Variants in ACTL8 observed in about 807,000 individuals in gnomAD.
ACTL8 encodes actin-like protein 8.
Under a neutral mutation model 9.3 loss-of-function variants are expected in ACTL8, and 3 were observed. The ratio of observed to expected loss-of-function variants is 0.32; its 90% CI spans 0.15 to 0.83. The LOEUF (loss-of-function observed/expected upper bound fraction) is 0.83. ACTL8 is among the 40% of genes least tolerant of loss of function. ACTL8 has a pLI of 0.57. For missense variants in ACTL8, 381 were observed against 492.2 expected, an observed-to-expected ratio of 0.77 and a Z score of 2.14; for synonymous variants, 224 against 205.9, an observed-to-expected ratio of 1.09 and a Z score of -0.75.
At chr1:17,807,929 A>C (rs1367415123) in intron 1 of ACTL8, among the ~76,000 whole-genome samples, 1 of 152,184 alleles carries the variant, frequency 6.6e-6, no homozygotes, top group Non-Finnish European at 1.5e-5. Context: ...CTACCATGGC[A>C]CGTGTATACC....
chr1:17,787,061 C>T (rs2066203103), intron 1 of ACTL8, among the ~76,000 whole-genome samples: 1 of 152,032 alleles, frequency 6.6e-6, no homozygotes, highest in Non-Finnish European at 1.5e-5. Context: ...TATTTTTTCC[C>T]TTGTTTTGTT....
At position 17,826,656 on chromosome 1, in the gene ACTL8, AT is replaced by A; in HGVS notation, c.*143del. 2 of 866,426 alleles carry A rather than the reference AT, an allele frequency of 2.3e-6. No homozygotes were observed. The highest frequency in any genetic ancestry group is 2.7e-5 in the South Asian group (1 of 36,712). 53.7% of individuals were successfully genotyped at this position (866,426 alleles called of 1,614,324 possible). On this transcript the variant is annotated 3_prime_UTR_variant, in exon 3 of 3. Coordinates refer to ENST00000375406, the MANE Select transcript of ACTL8 (RefSeq NM_030812.3). This position sits in a 1 kb window ranked among gnomAD's most constrained non-coding sequence, Gnocchi z 4.5. ...TTTGGAATTCTAGGGGCATGAGGGT[AT>A]TTTTTAGGTTCTAAGGTTTTATCTT...
intron 1 of ACTL8, among the ~76,000 whole-genome samples, chr1:17,803,941 A>T (rs1162300476): frequency 6.6e-6 from 1 of 152,190 alleles, no homozygotes; most frequent in African/African-American, 2.4e-5. Flanking sequence ...GGAAAATTGG[A>T]TATACGCTTA....
chr1:17,801,652 C>T (rs1430813998), intron 1 of ACTL8, among the ~76,000 whole-genome samples: 1 of 151,838 alleles, frequency 6.6e-6, no homozygotes, highest in East Asian at 1.9e-4. Context: ...TAATTATGCT[C>T]AAAGCATACA....
intron 1 of ACTL8, among the ~76,000 whole-genome samples, chr1:17,808,200 T>A (rs925316378): frequency 1.3e-5 from 2 of 152,192 alleles, no homozygotes; most frequent in Non-Finnish European, 2.9e-5. Flanking sequence ...GAGCAAACTC[T>A]GGAGAGCTTG....
rs2053728281 is a variant in ACTL8 at position 17,826,882 on chromosome 1, G to T, written c.*363G>T. On this transcript the variant is annotated 3_prime_UTR_variant, in exon 3 of 3. Transcript: ENST00000375406. The surrounding 1 kb of genome is among the most constrained non-coding windows in gnomAD (Gnocchi z 4.5). ...CTTGGTTGAGTAGGTTTTAACTGGGGTAGCACTCCTGCTAGGAGTCCCAAT... is the reference window on the plus strand; with the variant it reads ...CTTGGTTGAGTAGGTTTTAACTGGGTTAGCACTCCTGCTAGGAGTCCCAAT... 1.2e-5 allele frequency: 2 copies of T among 167,758 alleles called. No individual in the cohort carries two copies. The highest frequency in any genetic ancestry group is 2.7e-3 in the Middle Eastern group (1 of 364). The allele number at this position is 167,758 out of a possible 1,614,324, so 10.4% of individuals were successfully genotyped here. A position where few individuals can be genotyped will look rare whatever the true frequency, so the allele number is the denominator to read the frequency against.
At chr1:17,802,582 C>T (rs554347511) in intron 1 of ACTL8, among the ~76,000 whole-genome samples, 2 of 152,200 alleles carry the variant, frequency 1.3e-5, no homozygotes, top group East Asian at 1.9e-4. Flanking sequence ...CTGCCTGATT[C>T]GAGTCATATC....
chr1:17,766,808 G>A (rs996152857), intron 1 of ACTL8, among the ~76,000 whole-genome samples: 2 of 149,382 alleles, frequency 1.3e-5, no homozygotes, highest in African/African-American at 2.5e-5. Flanking sequence ...ATAATTCCTG[G>A]AACTTACTGC....
chr1:17,804,746 A>G (rs1299834888), intron 1 of ACTL8, among the ~76,000 whole-genome samples: 1 of 151,756 alleles, frequency 6.6e-6, no homozygotes, highest in Non-Finnish European at 1.5e-5. Flanking sequence ...CCTCCTGAGT[A>G]GCTGGGATAT....
chr1:17,787,290 A>G (rs1263510556), intron 1 of ACTL8, among the ~76,000 whole-genome samples: 1 of 151,634 alleles, frequency 6.6e-6, no homozygotes, highest in Non-Finnish European at 1.5e-5. Context: ...TTTTTGAGAC[A>G]GTCTCATTCT....
intron 1 of ACTL8, among the ~76,000 whole-genome samples, chr1:17,791,863 G>T (rs1455213632): frequency 6.6e-6 from 1 of 152,236 alleles, no homozygotes; most frequent in Non-Finnish European, 1.5e-5. Context: ...TTATGAGGAA[G>T]AGAGAGGGAA....
chr1:17,814,001 T>C (rs1409765556), intron 1 of ACTL8, among the ~76,000 whole-genome samples: 3 of 152,140 alleles, frequency 2.0e-5, no homozygotes, highest in Non-Finnish European at 4.4e-5. Context: ...TTTTCTCTTT[T>C]TTCTTAGTCT....
At chr1:17,814,812 A>G (rs1487930903) in intron 1 of ACTL8, among the ~76,000 whole-genome samples, 1 of 152,224 alleles carries the variant, frequency 6.6e-6, no homozygotes, top group Non-Finnish European at 1.5e-5. Flanking sequence ...AACATGCCGT[A>G]CCGGTTTGTA....
chr1:17,765,189 C>T (rs754894928), intron 1 of ACTL8, among the ~76,000 whole-genome samples: 2 of 152,170 alleles, frequency 1.3e-5, no homozygotes, highest in Non-Finnish European at 2.9e-5. Flanking sequence ...GGCTGGCCTT[C>T]CTCCTCTGGG....
At chr1:17,822,638 C>G (rs975072362) in intron 1 of ACTL8, among the ~76,000 whole-genome samples, 5 of 152,196 alleles carry the variant, frequency 3.3e-5, no homozygotes, top group Non-Finnish European at 7.3e-5. Context: ...AAGCTTCTTG[C>G]TGAGTCTGCC....
chr1:17,798,696 AG>A (rs747962596), intron 1 of ACTL8, among the ~76,000 whole-genome samples: 2 of 152,228 alleles, frequency 1.3e-5, no homozygotes, highest in Non-Finnish European at 2.9e-5. Flanking sequence ...TTGTTCCCCC[AG>A]GTAAAACAAG....
At chr1:17,821,732 G>A (rs1351607196) in intron 1 of ACTL8, among the ~76,000 whole-genome samples, 1 of 151,996 alleles carries the variant, frequency 6.6e-6, no homozygotes, top group African/African-American at 2.4e-5. Flanking sequence ...GGTTTCAAGC[G>A]ATTCTTGTGT....
intron 1 of ACTL8, among the ~76,000 whole-genome samples, chr1:17,790,703 C>T (rs2066232700): frequency 6.6e-6 from 1 of 152,198 alleles, no homozygotes. Context: ...ACCAGGGACC[C>T]ACCCCCTTCT....
chr1:17,811,797 C>G (rs1365209487), intron 1 of ACTL8, among the ~76,000 whole-genome samples: 1 of 151,406 alleles, frequency 6.6e-6, no homozygotes, highest in African/African-American at 2.4e-5. Flanking sequence ...CTTGGACACT[C>G]TGTTCTTTTC....
Sources: allele counts gnomAD v4.1 joint callset (sites outside exome capture counted in the v4.1 genomes callset), GRCh38; gene constraint gnomAD v4.1.1; non-coding constraint Gnocchi (gnomAD v3.1); transcripts MANE v1.5; gene names NCBI Gene and HGNC (gene_info 2026-07-23, HGNC 2026-07-21).